The following TIMELESS variants were observed in gnomAD, a reference collection of about 807,000 sequenced individuals.
TIMELESS encodes the protein protein timeless homolog.
Under a neutral mutation model 164.3 loss-of-function variants are expected in TIMELESS, and 124 were observed. That is an observed-to-expected ratio of 0.75 (90% CI 0.65 to 0.88). The LOEUF is 0.88. Among genes scored for constraint, TIMELESS ranks in the 40% least tolerant of loss-of-function variants. TIMELESS has a pLI of 0.00. For synonymous variants in TIMELESS, 564 were observed against 563.4 expected, an observed-to-expected ratio of 1.00 and a Z score of -0.02; for missense variants, 1,422 against 1,491.4, an observed-to-expected ratio of 0.95 and a Z score of 0.77.
At chr12:56,430,034 C>G (rs1413203622) in intron 10 of TIMELESS, 71 bp downstream of exon 10, 1 of 1,487,560 alleles carries the variant, frequency 6.7e-7, no homozygotes. Context: ...CCACTTCTTA[C>G]CCACCAACAG....
At position 56,426,548 on chromosome 12, in the gene TIMELESS, G is replaced by C. The variant is rs183431528; in HGVS notation, c.1579-1396C>G. Among the ~76,000 whole-genome samples the C allele has an allele frequency of 9.7e-4, 147 of 151,628 alleles. 1 individual carries two copies. The highest frequency in any genetic ancestry group is 2.2e-3 in the Admixed American group (34 of 15,180). On this transcript the variant is annotated intron_variant, in intron 13 of 28. Coordinates refer to ENST00000553532, the MANE Select transcript of TIMELESS (RefSeq NM_003920.5). The stretch of plus-strand genomic sequence containing the variant: ...ATTACAGGTGTGTGCCACCACGCCA[G>C]GCTAATTTTTGTTTGTTTGTTTGTT...
rs1468405355 is a variant in TIMELESS, at chr12:56,430,237, C to T, written c.954G>A (p.Val318=). 3 of 1,613,882 alleles carry T rather than the reference C, an allele frequency of 1.9e-6. No individual in the cohort carries two copies. Among genetic ancestry groups the T allele is most frequent in the South Asian group, 2.2e-5 (2 of 91,052 alleles). ...SSDLGKQPKK[V]PKRRQAAREL... is the part of the protein sequence containing the mutation. Reference sequence around the variant, plus strand: ...CTCGGGCGGCCTGGCGACGTTTAGGCACCTTTTTCGGCTGCTTTCCCAAAT... The same window carrying T: ...CTCGGGCGGCCTGGCGACGTTTAGGTACCTTTTTCGGCTGCTTTCCCAAAT... Residue 318 remains valine (V), a synonymous_variant, in exon 10 of 29, where the codon GTG becomes GTA. Transcript: ENST00000553532.
rs754025845 is a variant in TIMELESS at position 56,424,774 on chromosome 12, A to C, written c.1856T>G (p.Leu619Arg). Residue 619 changes from leucine to arginine, a missense_variant, in exon 15 of 29, where the codon CTG becomes CGG. Leu to Arg is a moderately radical substitution (Grantham distance 102). Coordinates refer to ENST00000553532, the MANE Select transcript of TIMELESS (RefSeq NM_003920.5). Reference sequence around the variant, plus strand: ...GCAGGGTTCTTACCGAGCAGACCTCAGGAGAGTCAGGGCCTGTGGGGCCTG... The same window carrying C: ...GCAGGGTTCTTACCGAGCAGACCTCCGGAGAGTCAGGGCCTGTGGGGCCTG... ...AGQAPQALTLLRSAREVWPEG... is the reference protein window; with the variant it reads ...AGQAPQALTLRRSAREVWPEG... 1 of 1,614,102 alleles carries C rather than the reference A, an allele frequency of 6.2e-7. No individual in the cohort carries two copies. Among genetic ancestry groups the C allele is most frequent in the East Asian group, 2.2e-5 (1 of 44,882 alleles).
intron 1 of TIMELESS, among the ~76,000 whole-genome samples, chr12:56,435,244 C>G (rs1355251396): frequency 6.6e-6 from 1 of 152,060 alleles, no homozygotes; most frequent in Admixed American, 6.6e-5. Flanking sequence ...CAAAGTTACT[C>G]TTAAACCTTG....
chr12:56,423,865 C>A lies in TIMELESS; in HGVS notation c.1898G>T (p.Gly633Val). 1 of 1,614,122 alleles carries A rather than the reference C, an allele frequency of 6.2e-7. No homozygotes were observed. The highest frequency in any genetic ancestry group is 8.5e-7 in the Non-Finnish European group (1 of 1,180,024). The change falls in exon 16 of 29, where the codon GGC becomes GTC. Residue 633 changes from glycine (G) to valine (V), a missense_variant. By Grantham distance (109) the Gly-to-Val change is moderately radical. Coordinates refer to ENST00000553532, the MANE Select transcript of TIMELESS (RefSeq NM_003920.5). ...REVWPEGDVF[G>V]SQDISPEEEI... ...TTCCTCTGGAGAAATGTCTTGAGAG[C>A]CAAACACATCTCCTTCAGGCCACAC...
At chr12:56,445,743 AAG>A (rs1272198420) in intron 1 of TIMELESS, among the ~76,000 whole-genome samples, 1 of 152,024 alleles carries the variant, frequency 6.6e-6, no homozygotes, top group Non-Finnish European at 1.5e-5. Flanking sequence ...AAAAAAAAAA[AAG>A]AAACCTAGGA....
In TIMELESS at chr12:56,420,652, C is replaced by T. The variant is rs763890888; in HGVS notation, c.3145G>A (p.Glu1049Lys). The stretch of plus-strand genomic sequence containing the variant: ...TTTTCCATGGCTTCCTCATTTTCCT[C>T]TGTGAGTGGCACCAATGGAACGGCC... ...SQAVPLVPLT[E>K]ENEEAMENEQ... The change falls in exon 26 of 29, where the codon GAG (glutamate) becomes AAG (lysine). Residue 1049 changes from glutamate (E) to lysine (K), a missense_variant. Glu to Lys is a moderately conservative substitution (Grantham distance 56). Transcript: ENST00000553532. 19 of 1,614,246 alleles carry T rather than the reference C, an allele frequency of 1.2e-5. No individual in the cohort carries two copies. In the South Asian group the frequency reaches 2.0e-4, roughly 17 times the overall value.
At chr12:56,428,500 C>T in intron 12 of TIMELESS, 49 bp downstream of exon 12, 4 of 1,609,982 alleles carry the variant, frequency 2.5e-6, no homozygotes, top group Non-Finnish European at 3.4e-6. Flanking sequence ...ATGAGATTCT[C>T]ATCACGAGAT....
In TIMELESS at chr12:56,422,089, A is replaced by T. The variant is rs368685551; in HGVS notation, c.2524+17T>A. The T allele has an allele frequency of 1.6e-5, 26 of 1,613,880 alleles. No individual in the cohort carries two copies. The African/African-American group carries it at 2.7e-4, about 17-fold the overall frequency. On this transcript the variant is annotated intron_variant, in intron 20 of 28. Transcript: ENST00000553532. ...GCTGCCCTCCTCATAAACTCTCCAG[A>T]TCCCAAGGCCTCTCACCTTCCACGT...
At chr12:56,429,961 C>CTAA in intron 10 of TIMELESS, 144 bp downstream of exon 10, 1 of 709,848 alleles carries the variant, frequency 1.4e-6, no homozygotes, top group Non-Finnish European at 2.2e-6. Flanking sequence ...CAGGGACATC[C>CTAA]TAACTGTATA....
At position 56,438,072 on chromosome 12, in the gene TIMELESS, C is replaced by T. The variant is rs529296005; in HGVS notation, c.-61-3841G>A. ...TTTTTTTTTTTCTGAGATGGAGTTTCGCTCTGTCACCCAGCCTGGGGTGCA... is the reference window on the plus strand; with the variant it reads ...TTTTTTTTTTTCTGAGATGGAGTTTTGCTCTGTCACCCAGCCTGGGGTGCA... On this transcript the variant is annotated intron_variant, in intron 1 of 28. Coordinates refer to ENST00000553532, the MANE Select transcript of TIMELESS (RefSeq NM_003920.5). Among the ~76,000 whole-genome samples the T allele has an allele frequency of 5.3e-5, 8 of 151,334 alleles. No individual in the cohort carries two copies. In the East Asian group the frequency reaches 7.8e-4, roughly 15 times the overall value.
intron 1 of TIMELESS, among the ~76,000 whole-genome samples, chr12:56,435,094 C>T (rs1190772468): frequency 6.6e-6 from 1 of 152,134 alleles, no homozygotes; most frequent in African/African-American, 2.4e-5. Flanking sequence ...CAGGCAGACA[C>T]AGCTCTGATG....
chr12:56,442,626 A>T (rs1361935273), intron 1 of TIMELESS, among the ~76,000 whole-genome samples: 1 of 152,182 alleles, frequency 6.6e-6, no homozygotes, highest in Non-Finnish European at 1.5e-5. Context: ...AAGACCATAC[A>T]TAACCTCAGA....
At chr12:56,428,491 T>A (rs919078232) in intron 12 of TIMELESS, 58 bp downstream of exon 12, 37 of 1,608,442 alleles carry the variant, frequency 2.3e-5, no homozygotes, top group Middle Eastern at 1.6e-4. Flanking sequence ...CTGGGAAGAA[T>A]GAGATTCTCA....
rs1306153785 is a variant in TIMELESS at position 56,433,431 on chromosome 12, C to T, written c.379G>A (p.Glu127Lys). ...TCACTGAGGACTCCAAAAGCCTTCT[C>T]ACTGGCAAAGGCCTGTGAAATAGGG... ...LQAYKEAFAS[E>K]KAFGVLSETL... The change falls in exon 5 of 29, where the codon GAG becomes AAG. Residue 127 changes from glutamate to lysine, a missense_variant. Coordinates refer to ENST00000553532, the MANE Select transcript of TIMELESS (RefSeq NM_003920.5). 1 of 1,614,116 alleles carries T rather than the reference C, an allele frequency of 6.2e-7. No homozygotes were observed. The highest frequency in any genetic ancestry group is 1.3e-5 in the African/African-American group (1 of 74,934).
At chr12:56,424,699 T>G in intron 15 of TIMELESS, 63 bp downstream of exon 15, 1 of 1,575,156 alleles carries the variant, frequency 6.3e-7, no homozygotes, top group South Asian at 1.2e-5. Context: ...GAGAACACTG[T>G]ACCGCAGTGA....
intron 1 of TIMELESS, among the ~76,000 whole-genome samples, chr12:56,439,019 A>G (rs1882163705): frequency 6.6e-6 from 1 of 151,558 alleles, no homozygotes; most frequent in African/African-American, 2.4e-5. Flanking sequence ...CAAAAAAATT[A>G]GCTGGGCATG....
chr12:56,420,198 C>A (rs914924950), intron 26 of TIMELESS, among the ~76,000 whole-genome samples: 1 of 150,680 alleles, frequency 6.6e-6, no homozygotes, highest in Admixed American at 6.6e-5. Flanking sequence ...ACAGGTTGTA[C>A]CTAGGTTATT....
In TIMELESS at chr12:56,421,724, C is replaced by T. The variant is rs1488474547; in HGVS notation, c.2725+3G>A. ...AGGTCCCCTGAGTTTCCAGCTTACT[C>T]ACCATCTGAGTCCCGGAATTCCTCA... On this transcript the variant is annotated splice_donor_region_variant and intron_variant, in intron 22 of 28. Transcript: ENST00000553532. The T allele has an allele frequency of 1.2e-6, 2 of 1,614,100 alleles. No homozygotes were observed. Among genetic ancestry groups the T allele is most frequent in the South Asian group, 2.2e-5 (2 of 91,078 alleles).
Sources: allele counts gnomAD v4.1 joint callset (sites outside exome capture counted in the v4.1 genomes callset), GRCh38; gene constraint gnomAD v4.1.1; transcripts MANE v1.5; gene names NCBI Gene and HGNC (gene_info 2026-07-23, HGNC 2026-07-21).